Variants in STK4 observed in about 807,000 individuals in gnomAD.
STK4 encodes the protein serine/threonine-protein kinase 4.
STK4 carries 30 observed loss-of-function variants against 64.9 expected under a neutral mutation model. That is an observed-to-expected ratio of 0.46 (90% CI 0.35 to 0.63). The LOEUF (loss-of-function observed/expected upper bound fraction) is 0.63, where lower values mean the gene tolerates loss of function less well. Ranked by LOEUF, STK4 falls within the 20% of genes least tolerant of loss-of-function variation. STK4 has a pLI of 0.01. For missense variants in STK4, 466 were observed against 598.5 expected, an observed-to-expected ratio of 0.78 and a Z score of 2.31; for synonymous variants, 177 against 199.0, an observed-to-expected ratio of 0.89 and a Z score of 0.93.
At chr20:45,059,777 T>C (rs1374592757) in intron 10 of STK4, among the ~76,000 whole-genome samples, 4 of 152,218 alleles carry the variant, frequency 2.6e-5, no homozygotes, top group Admixed American at 2.6e-4. Flanking sequence ...GACTAGAGAA[T>C]TTTTTTCATT....
chr20:44,978,603 T>C lies in STK4; in HGVS notation c.245+32T>C, dbSNP rs775308827. The stretch of plus-strand genomic sequence containing the variant: ...GCATGTGGGCTTCCTTTGGGGAGAA[T>C]GTGGTTTTGAATTAGCTATGATTGT... On this transcript the variant is annotated intron_variant, in intron 3 of 10. Transcript: ENST00000372806. The C allele has an allele frequency of 1.1e-5, 18 of 1,609,116 alleles. 1 individual carries two copies. The Admixed American group carries it at 1.4e-4, about 12-fold the overall frequency.
In STK4 at chr20:45,075,141, A is replaced by C; in HGVS notation, c.1429A>C (p.Ile477Leu). The change falls in exon 11 of 11, where the codon ATA (isoleucine) becomes CTA (leucine). Residue 477 changes from isoleucine (I) to leucine (L), a missense_variant. Transcript: ENST00000372806. ...CAAGCGGCAGCCCATCCTGGATGCC[A>C]TAGAGGCTAAGAAGAGACGGCAACA... is the stretch of plus-strand genomic sequence containing the variant. ...QSKRQPILDA[I>L]EAKKRRQQNF is the part of the protein sequence containing the mutation. 1 of 1,614,138 alleles carries C rather than the reference A, an allele frequency of 6.2e-7. No homozygotes were observed. Among genetic ancestry groups the C allele is most frequent in the East Asian group, 2.2e-5 (1 of 44,884 alleles).
chr20:45,004,651 T>C (rs1274038840), intron 9 of STK4, among the ~76,000 whole-genome samples: 3 of 152,084 alleles, frequency 2.0e-5, no homozygotes, highest in Non-Finnish European at 2.9e-5. Context: ...TGATAGTTTC[T>C]TTTGCTGTGC....
chr20:45,025,366 A>G (rs1407444046), intron 10 of STK4, among the ~76,000 whole-genome samples: 1 of 152,202 alleles, frequency 6.6e-6, no homozygotes, highest in African/African-American at 2.4e-5. Flanking sequence ...GTCCAGTTAG[A>G]AATTGTTCAT....
intron 10 of STK4, chr20:45,053,122 T>A: frequency 6.2e-7 from 1 of 1,612,838 alleles, no homozygotes; most frequent in East Asian, 2.2e-5. Context: ...AAAAGACATA[T>A]GTATCCAAAA....
chr20:45,065,881 G>C (rs1979523213), intron 10 of STK4, among the ~76,000 whole-genome samples: 1 of 151,464 alleles, frequency 6.6e-6, no homozygotes, highest in South Asian at 2.1e-4. Flanking sequence ...CTTCAGTTCA[G>C]CTTTGATTTT....
rs1416473276 is a variant in STK4, at chr20:45,018,559, G to C, written c.1148-6414G>C. On this transcript the variant is annotated intron_variant, in intron 9 of 10. Coordinates refer to ENST00000372806, the MANE Select transcript of STK4 (RefSeq NM_006282.5). ...AAATAAGAGCAAATAGTTAAGGAAA[G>C]GTGTCTTGCTGCTTAAAAAAAATTG... Among the ~76,000 whole-genome samples, 3 of 151,880 alleles carry C rather than the reference G, an allele frequency of 2.0e-5. No homozygotes were observed. In the East Asian group the frequency reaches 5.8e-4, roughly 29 times the overall value.
intron 10 of STK4, among the ~76,000 whole-genome samples, chr20:45,034,248 C>T (rs1249807069): frequency 6.6e-6 from 1 of 151,378 alleles, no homozygotes; most frequent in Non-Finnish European, 1.5e-5. Context: ...AGAAAACAAA[C>T]CAAAAAGTTG....
chr20:45,043,497 G>A (rs1042773283), intron 10 of STK4, among the ~76,000 whole-genome samples: 2 of 152,092 alleles, frequency 1.3e-5, no homozygotes, highest in Admixed American at 1.3e-4. Flanking sequence ...GAGCTTCATT[G>A]TCCTCATCTG....
At chr20:45,061,924 C>T (rs1252273196) in intron 10 of STK4, among the ~76,000 whole-genome samples, 6 of 142,976 alleles carry the variant, frequency 4.2e-5, no homozygotes, top group Non-Finnish European at 7.5e-5. Context: ...CTGTCGCCCA[C>T]GCTGGAGTGC....
In STK4 at chr20:45,075,227, C is replaced by G; in HGVS notation, c.*51C>G. On this transcript the variant is annotated 3_prime_UTR_variant, in exon 11 of 11. Transcript: ENST00000372806. ...GCTCCACCCAGGCTTTGGGTGAATT[C>G]TGGATGGCTTGCCTCATGTTTGTTA... 6.3e-7 allele frequency: 1 copy of G among 1,593,708 alleles called. No individual in the cohort carries two copies. Among genetic ancestry groups the G allele is most frequent in the Non-Finnish European group, 8.5e-7 (1 of 1,171,656 alleles).
rs564286536 is a variant in STK4, at chr20:45,046,755, C to G, written c.1305+21625C>G. Among the ~76,000 whole-genome samples, 12 of 151,756 alleles carry G rather than the reference C, an allele frequency of 7.9e-5. 1 individual carries two copies. In the South Asian group the frequency reaches 2.1e-3, roughly 26 times the overall value. ...GGAGTGCAGTGGCGTGATCTCGGCT[C>G]ACTGCAACCTCCGCCTCCTGGATTC... On this transcript the variant is annotated intron_variant, in intron 10 of 10. Transcript: ENST00000372806.
At chr20:45,005,837 G>A (rs1297965400) in intron 9 of STK4, among the ~76,000 whole-genome samples, 3 of 151,792 alleles carry the variant, frequency 2.0e-5, no homozygotes, top group Non-Finnish European at 4.4e-5. Flanking sequence ...TTTATAATTT[G>A]TATGGTTAAT....
At chr20:45,066,241 A>G (rs1278267357) in intron 10 of STK4, among the ~76,000 whole-genome samples, 1 of 152,014 alleles carries the variant, frequency 6.6e-6, no homozygotes, top group Non-Finnish European at 1.5e-5. Context: ...GTACCAAAAT[A>G]TATACATCTG....
intron 10 of STK4, chr20:45,053,237 C>A: frequency 7.0e-7 from 1 of 1,427,398 alleles, no homozygotes; most frequent in South Asian, 1.2e-5. Context: ...GCTGGTGGAT[C>A]GTGCTAGCTG....
Position 45,079,637 on chromosome 20 carries a change from A to G in STK4, c.*4461A>G, listed in dbSNP as rs1311874895. 2.6e-5 allele frequency: 4 copies of G among 152,678 alleles called. No individual in the cohort carries two copies. Among genetic ancestry groups the G allele is most frequent in the African/African-American group, 9.6e-5 (4 of 41,466 alleles). 9.5% of individuals were successfully genotyped at this position (152,678 alleles called of 1,614,324 possible). On this transcript the variant is annotated 3_prime_UTR_variant, in exon 11 of 11. Transcript: ENST00000372806. Reference sequence around the variant, plus strand: ...AGCTTGCACTCGGACCAACTTGGAAAAAAAAAAGCTTAAATGTTTTTGCTA... The same window carrying G: ...AGCTTGCACTCGGACCAACTTGGAAGAAAAAAAGCTTAAATGTTTTTGCTA...
chr20:45,020,333 A>G (rs2068220451), intron 9 of STK4, among the ~76,000 whole-genome samples: 1 of 152,166 alleles, frequency 6.6e-6, no homozygotes, highest in Non-Finnish European at 1.5e-5. Flanking sequence ...AGCACCTAGT[A>G]GAAAGCCTGA....
intron 9 of STK4, among the ~76,000 whole-genome samples, chr20:45,017,788 A>G (rs2068170031): frequency 6.6e-6 from 1 of 152,162 alleles, no homozygotes; most frequent in Non-Finnish European, 1.5e-5. Flanking sequence ...TAATCCTTTG[A>G]ATTTTGGATT....
chr20:44,995,092 T>C lies in STK4; in HGVS notation c.528T>C (p.Asp176=). 2.5e-6 allele frequency: 4 copies of C among 1,598,110 alleles called. No homozygotes were observed. The highest frequency in any genetic ancestry group is 3.4e-6 in the Non-Finnish European group (4 of 1,171,658). Residue 176 remains aspartate (D), a splice_region_variant and synonymous_variant, in exon 6 of 11, where the codon GAT becomes GAC. Transcript: ENST00000372806. The part of the protein sequence containing the change: ...ADFGVAGQLT[D]TMAKRNTVIG... Reference sequence around the variant, plus strand: ...GTCTCTCTCCCTTTCTATTTTAGGATACCATGGCCAAGCGGAATACAGTGA... The same window carrying C: ...GTCTCTCTCCCTTTCTATTTTAGGACACCATGGCCAAGCGGAATACAGTGA...
Sources: allele counts gnomAD v4.1 joint callset (sites outside exome capture counted in the v4.1 genomes callset), GRCh38; gene constraint gnomAD v4.1.1; transcripts MANE v1.5; gene names NCBI Gene and HGNC (gene_info 2026-07-23, HGNC 2026-07-21).